The following PCDHGA8 variants were observed in gnomAD, a reference collection of about 807,000 sequenced individuals.
PCDHGA8 encodes the protein protocadherin gamma-A8.
Under a neutral mutation model 59.2 loss-of-function variants are expected in PCDHGA8, and 45 were observed. The ratio of observed to expected loss-of-function variants is 0.76; its 90% CI spans 0.60 to 0.98. PCDHGA8 has a LOEUF of 0.98. Ranked by LOEUF, PCDHGA8 falls within the 50% of genes least tolerant of loss-of-function variation. The pLI, the probability that PCDHGA8 is intolerant of heterozygous loss-of-function variation, is 0.00. For synonymous variants in PCDHGA8, 531 were observed against 519.0 expected (o/e 1.02, Z -0.32); for missense variants, 1,257 against 1,196.2 (o/e 1.05, Z -0.75).
rs1297899765 is a variant in PCDHGA8, at chr5:141,431,815, C to T, written c.2424+36578C>T. ...CCCCAGAAGTGGTCCTCACCTCTCTCGCCAGCTCGGTTCCCGAAAACTCTC... is the reference window on the plus strand; with the variant it reads ...CCCCAGAAGTGGTCCTCACCTCTCTTGCCAGCTCGGTTCCCGAAAACTCTC... On this transcript the variant is annotated intron_variant, in intron 1 of 3. Transcript: ENST00000398604. The surrounding 1 kb of genome is among the most constrained non-coding windows in gnomAD (Gnocchi z 4.8). 5 of 1,614,124 alleles carry T rather than the reference C, an allele frequency of 3.1e-6. No homozygotes were observed. The Admixed American group carries it at 5.0e-5, about 16-fold the overall frequency.
At position 141,422,108 on chromosome 5, in the gene PCDHGA8, A is replaced by G. The variant is rs766617894; in HGVS notation, c.2424+26871A>G. 4.4e-6 allele frequency: 7 copies of G among 1,606,984 alleles called. No homozygotes were observed. In the East Asian group the frequency reaches 1.6e-4, roughly 36 times the overall value. ...GAAAGCAAGGCTTCTGAAATATTCCAATTGGATTCACAAACTGGAGAAGTT... is the reference window on the plus strand; with the variant it reads ...GAAAGCAAGGCTTCTGAAATATTCCGATTGGATTCACAAACTGGAGAAGTT... On this transcript the variant is annotated intron_variant, in intron 1 of 3. Transcript: ENST00000398604.
chr5:141,457,336 C>T (rs1032184011), intron 1 of PCDHGA8, among the ~76,000 whole-genome samples: 6 of 152,158 alleles, frequency 3.9e-5, no homozygotes, highest in Admixed American at 3.3e-4. Context: ...AGGTACCTTA[C>T]TTACTTTCAT....
intron 1 of PCDHGA8, chr5:141,414,628 A>T (rs1471507988): frequency 4.3e-6 from 7 of 1,613,900 alleles, no homozygotes; most frequent in Non-Finnish European, 5.9e-6. Flanking sequence ...GGACCCGGAC[A>T]GCAAAGAGAA....
intron 1 of PCDHGA8, chr5:141,399,623 C>A: frequency 6.2e-7 from 1 of 1,613,920 alleles, no homozygotes; most frequent in South Asian, 1.1e-5. Context: ...GCACTGGCCT[C>A]TTACGTGTCC....
At chr5:141,426,919 C>A (rs1220443930) in intron 1 of PCDHGA8, 3 of 456,620 alleles carry the variant, frequency 6.6e-6, no homozygotes, top group African/African-American at 6.0e-5. Context: ...GTCCTGGAAG[C>A]AATGGACATG....
rs577323909 is a variant in PCDHGA8 at position 141,419,160 on chromosome 5, C to G, written c.2424+23923C>G. 13 of 1,613,956 alleles carry G rather than the reference C, an allele frequency of 8.1e-6. 1 individual carries two copies. In the South Asian group the frequency reaches 1.4e-4, roughly 18 times the overall value. On this transcript the variant is annotated intron_variant, in intron 1 of 3. Coordinates refer to ENST00000398604, the MANE Select transcript of PCDHGA8 (RefSeq NM_032088.2). ...GACAGGGGCAAGCCTCCGTTATCCT[C>G]CAGCAAAACCATAACCCTGCACATT...
In PCDHGA8 at chr5:141,393,423, G is replaced by A; in HGVS notation, c.610G>A (p.Glu204Lys). 2 of 1,614,040 alleles carry A rather than the reference G, an allele frequency of 1.2e-6. No homozygotes were observed. The highest frequency in any genetic ancestry group is 2.2e-5 in the South Asian group (2 of 91,088). ...LVLERALDRE[E>K]EAAHHLVLTA... is the part of the protein sequence containing the mutation. ...GCTGGAGCGCGCCCTGGACAGGGAG[G>A]AAGAGGCTGCTCACCACCTGGTCCT... The change falls in exon 1 of 4, where the codon GAA (glutamate) becomes AAA (lysine). Residue 204 changes from glutamate to lysine, a missense_variant. By Grantham distance (56) the Glu-to-Lys change is moderately conservative. Transcript: ENST00000398604.
chr5:141,436,600 G>C (rs1054182433), intron 1 of PCDHGA8, among the ~76,000 whole-genome samples: 2 of 152,154 alleles, frequency 1.3e-5, no homozygotes, highest in African/African-American at 2.4e-5. Context: ...CGTGGTGATG[G>C]CTAGGGCTAA....
At chr5:141,450,297 G>A (rs1414677718) in intron 1 of PCDHGA8, among the ~76,000 whole-genome samples, 3 of 151,838 alleles carry the variant, frequency 2.0e-5, no homozygotes, top group Non-Finnish European at 4.4e-5. Context: ...ACAGGCGTGA[G>A]CCACCATGTG....
At position 141,421,448 on chromosome 5, in the gene PCDHGA8, A is replaced by G. The variant is rs772957069; in HGVS notation, c.2424+26211A>G. On this transcript the variant is annotated intron_variant, in intron 1 of 3. Coordinates refer to ENST00000398604, the MANE Select transcript of PCDHGA8 (RefSeq NM_032088.2). ...CGCATCGTCTCCAGAGGGAAGACAC[A>G]GCTTTTCGCTGTGAATCCGCGAAGC... The G allele has an allele frequency of 7.8e-5, 126 of 1,614,014 alleles. No individual in the cohort carries two copies. The highest frequency in any genetic ancestry group is 1.0e-4 in the Non-Finnish European group (119 of 1,179,944).
chr5:141,478,026 C>T (rs1192406949), intron 1 of PCDHGA8: 2 of 1,614,062 alleles, frequency 1.2e-6, no homozygotes, highest in East Asian at 2.2e-5. Flanking sequence ...GTCCAAGACA[C>T]AGATTCACCC....
chr5:141,494,431 T>C (rs1403792155), intron 1 of PCDHGA8, among the ~76,000 whole-genome samples: 1 of 152,158 alleles, frequency 6.6e-6, no homozygotes, highest in Non-Finnish European at 1.5e-5. Context: ...TTGAAAAGCC[T>C]CCTTTGCCAC....
intron 1 of PCDHGA8, chr5:141,417,652 GCCTGGGATTC>G: frequency 2.4e-6 from 2 of 840,506 alleles, no homozygotes; most frequent in Non-Finnish European, 3.5e-6. Context: ...TCAGCCTCTA[GCCTGGGATTC>G]CCTGCGCAGC....
intron 1 of PCDHGA8, among the ~76,000 whole-genome samples, chr5:141,470,205 G>T (rs934926584): frequency 6.6e-6 from 1 of 152,094 alleles, no homozygotes; most frequent in Non-Finnish European, 1.5e-5. Flanking sequence ...AAATATGAAG[G>T]CTAAACCATT....
At chr5:141,499,019 AGGAAGGAAGAAAAG>A (rs2099788655) in intron 2 of PCDHGA8, among the ~76,000 whole-genome samples, 1 of 150,840 alleles carries the variant, frequency 6.6e-6, no homozygotes, top group Non-Finnish European at 1.5e-5. Flanking sequence ...GAAGGAAGGA[AGGAAGGAAGAAAAG>A]AAAGAAAAAG....
chr5:141,458,888 T>C (rs756640295), intron 1 of PCDHGA8, among the ~76,000 whole-genome samples: 3 of 152,118 alleles, frequency 2.0e-5, no homozygotes, highest in Non-Finnish European at 2.9e-5. Flanking sequence ...ATGCACACCA[T>C]GCGCAGCTAA....
intron 1 of PCDHGA8, among the ~76,000 whole-genome samples, chr5:141,447,275 G>A (rs2098532748): frequency 1.3e-5 from 2 of 152,154 alleles, no homozygotes; most frequent in South Asian, 2.1e-4. Context: ...AAGTAGCTGG[G>A]ACTACAGGCA....
intron 2 of PCDHGA8, among the ~76,000 whole-genome samples, chr5:141,502,401 G>A (rs191747075): frequency 2.0e-5 from 3 of 151,874 alleles, no homozygotes; most frequent in Admixed American, 1.3e-4. Flanking sequence ...AAATGTCCCC[G>A]AACCTGGATT....
In PCDHGA8 at chr5:141,489,684, T is replaced by C. The variant is rs2099690710; in HGVS notation, c.2425-5123T>C. 1.2e-6 allele frequency: 2 copies of C among 1,614,062 alleles called. No individual in the cohort carries two copies. The highest frequency in any genetic ancestry group is 8.5e-7 in the Non-Finnish European group (1 of 1,180,034). On this transcript the variant is annotated intron_variant, in intron 1 of 3. Coordinates refer to ENST00000398604, the MANE Select transcript of PCDHGA8 (RefSeq NM_032088.2). This position sits in a 1 kb window ranked among gnomAD's most constrained non-coding sequence, Gnocchi z 4.5. ...TGCGCATCTCAGAATCAGCAGCATCTGGGGCACGATTCCCACTGGACAGTG... is the reference window on the plus strand; with the variant it reads ...TGCGCATCTCAGAATCAGCAGCATCCGGGGCACGATTCCCACTGGACAGTG...
Sources: gnomAD v4.1 joint callset for allele counts (sites outside exome capture counted in the v4.1 genomes callset) on GRCh38, gnomAD v4.1.1 for gene constraint, Gnocchi (gnomAD v3.1) non-coding constraint, MANE v1.5 for transcripts, NCBI Gene and HGNC (gene_info 2026-07-23, HGNC 2026-07-21) for gene names.